DRC4: variants seen among roughly 807,000 people sequenced by gnomAD.
The protein encoded by DRC4 is GAS-11.
the DRC4 span, chr16:90,039,914 G>A: frequency 6.7e-6 from 2 of 296,340 alleles, no homozygotes; most frequent in South Asian, 7.3e-5. Flanking sequence ...CCACCTGCAA[G>A]CTCGGCCTGC....
chr16:90,034,562 C>T, the DRC4 span, among the ~76,000 whole-genome samples: 3 of 151,926 alleles, frequency 2.0e-5, no homozygotes, highest in Non-Finnish European at 4.4e-5. Context: ...ACGGAGGTTG[C>T]GGTGAGCCGA....
the DRC4 span, among the ~76,000 whole-genome samples, chr16:90,032,557 G>A: frequency 2.0e-5 from 3 of 149,072 alleles, no homozygotes; most frequent in Non-Finnish European, 4.5e-5. Context: ...AGGTATGGAT[G>A]GACAGGTAAG....
At chr16:90,026,501 G>C in the DRC4 span, among the ~76,000 whole-genome samples, 1 of 152,160 alleles carries the variant, frequency 6.6e-6, no homozygotes, top group Non-Finnish European at 1.5e-5. Flanking sequence ...TCGTGGTTAT[G>C]GAGGCATTTC....
chr16:90,022,774 C>T, the DRC4 span: 8 of 1,320,282 alleles, frequency 6.1e-6, no homozygotes, highest in Non-Finnish European at 7.8e-6. Context: ...GGCCCGGAGA[C>T]CTCGGGGCAG....
the DRC4 span, among the ~76,000 whole-genome samples, chr16:90,024,159 A>ACACACACAC: frequency 3.2e-5 from 3 of 93,554 alleles, no homozygotes; most frequent in Non-Finnish European, 7.4e-5. Context: ...CACACACACA[A>ACACACACAC]AATTAGCCGG....
chr16:90,031,303 A>C, the DRC4 span: 3 of 1,612,330 alleles, frequency 1.9e-6, no homozygotes, highest in Non-Finnish European at 1.7e-6. Context: ...GGCCAGGTGG[A>C]GGAGCATGTC....
chr16:90,037,542 T>A, the DRC4 span: 1 of 1,095,708 alleles, frequency 9.1e-7, no homozygotes, highest in Non-Finnish European at 1.3e-6. Context: ...CTGCCTCGTG[T>A]TCTCCTGGGG....
At chr16:90,032,292 TGAG>T in the DRC4 span, among the ~76,000 whole-genome samples, 4 of 145,910 alleles carry the variant, frequency 2.7e-5, no homozygotes, top group Admixed American at 6.8e-5. Flanking sequence ...TATGGACAGG[TGAG>T]GAGGTGTGGT....
the DRC4 span, among the ~76,000 whole-genome samples, chr16:90,028,352 T>A: frequency 1.4e-5 from 2 of 143,890 alleles, no homozygotes; most frequent in African/African-American, 5.0e-5. Context: ...GCCTGGCTAA[T>A]TTTTTTTTTG....
chr16:90,044,215 T>C, the DRC4 span: 1 of 451,914 alleles, frequency 2.2e-6, no homozygotes, highest in Non-Finnish European at 4.4e-6. Flanking sequence ...AGAGCTGGAG[T>C]TGGCTCAGAT....
the DRC4 span, chr16:90,029,211 T>TGCGGGGCAGCCTACGGGGCAGGCC: frequency 7.3e-7 from 1 of 1,361,862 alleles, no homozygotes; most frequent in Non-Finnish European, 9.8e-7. Flanking sequence ...CGGGGCAGGC[T>TGCGGGGCAGCCTACGGGGCAGGCC]ACGGGGCAGG....
chr16:90,040,464 T>TGCAGCCCTGG, the DRC4 span: 1 of 1,609,824 alleles, frequency 6.2e-7, no homozygotes, highest in African/African-American at 1.3e-5. Flanking sequence ...TGGCTGCCTC[T>TGCAGCCCTGG]AACCTGGACC....
chr16:90,024,123 T>G, the DRC4 span, among the ~76,000 whole-genome samples: 1 of 139,396 alleles, frequency 7.2e-6, no homozygotes, highest in Non-Finnish European at 1.5e-5. Context: ...TTACTAAAAA[T>G]ACACACACAC....
chr16:90,019,773 T>C, the DRC4 span: 1 of 691,876 alleles, frequency 1.4e-6, no homozygotes, highest in Non-Finnish European at 2.6e-6. This position sits in a 1 kb window ranked among gnomAD's most constrained non-coding sequence, Gnocchi z 6.1. Context: ...TTCCAGGTAC[T>C]TGCGTGTGGG....
chr16:90,028,336 C>T, the DRC4 span, among the ~76,000 whole-genome samples: 1 of 151,924 alleles, frequency 6.6e-6, no homozygotes, highest in African/African-American at 2.4e-5. Context: ...AGGCACCTGC[C>T]ACCACGCCTG....
At chr16:90,031,388 C>T in the DRC4 span, 4 of 1,613,952 alleles carry the variant, frequency 2.5e-6, no homozygotes, top group Non-Finnish European at 1.7e-6. Context: ...ACAAGATCCA[C>T]ACCTTCTGGG....
the DRC4 span, chr16:90,037,206 T>A: frequency 1.3e-6 from 2 of 1,581,670 alleles, no homozygotes; most frequent in Non-Finnish European, 8.6e-7. Context: ...GCTGAGCCCC[T>A]GCCGGGCCTG....
chr16:90,025,961 C>T, the DRC4 span, among the ~76,000 whole-genome samples: 9 of 150,304 alleles, frequency 6.0e-5, no homozygotes, highest in East Asian at 3.9e-4. Flanking sequence ...ATTTTAAAAA[C>T]GTTACATAGC....
chr16:90,043,713 A>G, the DRC4 span: 6 of 489,196 alleles, frequency 1.2e-5, no homozygotes, highest in South Asian at 9.3e-5. Context: ...CACCGAATGG[A>G]CAGCTTTGCA....
Sources: allele counts gnomAD v4.1 joint callset (sites outside exome capture counted in the v4.1 genomes callset), GRCh38; gene constraint gnomAD v4.1.1; non-coding constraint Gnocchi (gnomAD v3.1); transcripts MANE v1.5; gene names NCBI Gene and HGNC (gene_info 2026-07-23, HGNC 2026-07-21).